The following UNC13C variants were observed in gnomAD, a reference collection of about 807,000 sequenced individuals.
UNC13C encodes unc-13 homolog C, also known as protein unc-13 homolog C.
In UNC13C, 174 loss-of-function variants were observed where a neutral mutation model predicts 245.4. The ratio of observed to expected loss-of-function variants is 0.71; its 90% CI spans 0.63 to 0.80. The LOEUF (loss-of-function observed/expected upper bound fraction) is 0.80, where lower values mean the gene tolerates loss of function less well. UNC13C is among the 30% of genes least tolerant of loss of function. The pLI is 0.00. For missense variants in UNC13C, 2,829 were observed against 2,602.9 expected, an observed-to-expected ratio of 1.09 and a Z score of -1.89; for synonymous variants, 992 against 895.1, an observed-to-expected ratio of 1.11 and a Z score of -1.93.
chr15:54,434,203 ACTTT>A (rs1169897153), intron 19 of UNC13C, among the ~76,000 whole-genome samples: 1 of 152,144 alleles, frequency 6.6e-6, no homozygotes, highest in East Asian at 1.9e-4. Context: ...GCTACCATTG[ACTTT>A]CTTCACAGAA....
Position 54,496,863 on chromosome 15 carries a change from C to T in UNC13C, c.5060+2129C>T, listed in dbSNP as rs1275557434. Among the ~76,000 whole-genome samples, 4 of 151,994 alleles carry T rather than the reference C, an allele frequency of 2.6e-5. No individual in the cohort carries two copies. In the East Asian group the frequency reaches 5.8e-4, roughly 22 times the overall value. ...AGGATAAAAGACTACACATTGGGTACAGTAAACACTGCTTAGATAATGGGT... is the reference window on the plus strand; with the variant it reads ...AGGATAAAAGACTACACATTGGGTATAGTAAACACTGCTTAGATAATGGGT... On this transcript the variant is annotated intron_variant, in intron 20 of 32. Coordinates refer to ENST00000260323, the MANE Select transcript of UNC13C (RefSeq NM_001080534.3).
At chr15:54,227,837 G>A (rs988815062) in intron 4 of UNC13C, among the ~76,000 whole-genome samples, 1 of 152,204 alleles carries the variant, frequency 6.6e-6, no homozygotes, top group Non-Finnish European at 1.5e-5. Context: ...CCCAAGGCCT[G>A]TCAACCACTG....
At chr15:54,471,153 A>G (rs947177350) in intron 19 of UNC13C, among the ~76,000 whole-genome samples, 1 of 151,572 alleles carries the variant, frequency 6.6e-6, no homozygotes, top group Non-Finnish European at 1.5e-5. Context: ...AATGTTCTGT[A>G]TGCACTTGGA....
At chr15:53,943,476 A>T in the UNC13C span, among the ~76,000 whole-genome samples, 1 of 152,320 alleles carries the variant, frequency 6.6e-6, no homozygotes, top group African/African-American at 2.4e-5. Flanking sequence ...CAAAAATAAT[A>T]ATTTCTCTTT....
In UNC13C at chr15:54,250,405, G is replaced by A. The variant is rs758672263; in HGVS notation, c.3409G>A (p.Glu1137Lys). The A allele has an allele frequency of 4.6e-5, 74 of 1,613,530 alleles. No homozygotes were observed. Among genetic ancestry groups the A allele is most frequent in the Non-Finnish European group, 6.1e-5 (72 of 1,179,682 alleles). Residue 1137 changes from glutamate (E) to lysine (K), a missense_variant, in exon 8 of 33, where the codon GAA becomes AAA. Coordinates refer to ENST00000260323, the MANE Select transcript of UNC13C (RefSeq NM_001080534.3). Reference sequence around the variant, plus strand: ...TCTGGAGTGTGGAGTGAAATGCCACGAAAAGTGTCAGGACCTGCTAAACGC... The same window carrying A: ...TCTGGAGTGTGGAGTGAAATGCCACAAAAAGTGTCAGGACCTGCTAAACGC... ...KCLECGVKCH[E>K]KCQDLLNADC...
intron 13 of UNC13C, among the ~76,000 whole-genome samples, chr15:54,316,309 T>C (rs1449481766): frequency 6.6e-6 from 1 of 151,940 alleles, no homozygotes; most frequent in African/African-American, 2.4e-5. Context: ...GAGTTCACTT[T>C]ACACAATATT....
At chr15:53,998,247 G>C (rs957558849) in intron 1 of UNC13C, among the ~76,000 whole-genome samples, 2 of 152,102 alleles carry the variant, frequency 1.3e-5, no homozygotes, top group African/African-American at 2.4e-5. Context: ...TCACTTTGGG[G>C]AGAACTGATA....
At chr15:53,853,595 A>C in the UNC13C span, among the ~76,000 whole-genome samples, 4 of 152,164 alleles carry the variant, frequency 2.6e-5, no homozygotes, top group African/African-American at 9.7e-5. Context: ...GGTTGAACTA[A>C]TTTATACTCC....
At chr15:54,360,831 A>C (rs1358423799) in intron 17 of UNC13C, among the ~76,000 whole-genome samples, 1 of 152,088 alleles carries the variant, frequency 6.6e-6, no homozygotes, top group Non-Finnish European at 1.5e-5. Flanking sequence ...ATTCTCTGAA[A>C]GGTGTATTGG....
chr15:54,514,960 A>T (rs943894233), intron 24 of UNC13C, among the ~76,000 whole-genome samples: 1 of 152,154 alleles, frequency 6.6e-6, no homozygotes, highest in Admixed American at 6.6e-5. Flanking sequence ...GGAAAAAAAA[A>T]GTCAAAAGAG....
At chr15:54,504,985 C>A (rs1040098113) in intron 22 of UNC13C, among the ~76,000 whole-genome samples, 3 of 152,138 alleles carry the variant, frequency 2.0e-5, no homozygotes, top group Non-Finnish European at 2.9e-5. Context: ...ATTTCAGTCA[C>A]CCTGTCTAAT....
intron 29 of UNC13C, among the ~76,000 whole-genome samples, chr15:54,561,863 C>T (rs1455679080): frequency 6.6e-5 from 10 of 151,754 alleles, no homozygotes; most frequent in Non-Finnish European, 2.9e-5. Context: ...AAGGTGGTGG[C>T]TTTAGGAGGA....
At chr15:53,930,110 A>C in the UNC13C span, among the ~76,000 whole-genome samples, 2 of 151,998 alleles carry the variant, frequency 1.3e-5, no homozygotes, top group African/African-American at 4.8e-5. Context: ...GGCCTTTCTC[A>C]CATGTCTGGG....
intron 2 of UNC13C, among the ~76,000 whole-genome samples, chr15:54,120,788 T>C (rs1240953820): frequency 1.3e-5 from 2 of 151,786 alleles, no homozygotes; most frequent in African/African-American, 4.8e-5. Context: ...CATGGATGAC[T>C]TTGAGGGGTT....
chr15:54,580,134 C>T (rs970994454), intron 30 of UNC13C, among the ~76,000 whole-genome samples: 4 of 152,176 alleles, frequency 2.6e-5, no homozygotes, highest in South Asian at 2.1e-4. Context: ...TGAGCCACCA[C>T]GCCTGTTTTT....
upstream of UNC13C, among the ~76,000 whole-genome samples, chr15:53,973,651 TA>T (rs1157296896): frequency 4.6e-5 from 7 of 151,960 alleles, no homozygotes. Context: ...CTGTGTCTTT[TA>T]AAAAATTTAG....
At chr15:54,417,235 T>C (rs919537359) in intron 19 of UNC13C, among the ~76,000 whole-genome samples, 1 of 152,144 alleles carries the variant, frequency 6.6e-6, no homozygotes, top group Non-Finnish European at 1.5e-5. Flanking sequence ...AACAAATAAA[T>C]TGCCAACTTT....
intron 8 of UNC13C, among the ~76,000 whole-genome samples, chr15:54,256,674 C>T (rs142602536): frequency 1.2e-4 from 19 of 152,188 alleles, no homozygotes; most frequent in African/African-American, 3.6e-4. Flanking sequence ...ACAATGACAA[C>T]GACAACAACA....
chr15:54,576,225 G>A (rs1897950210), intron 30 of UNC13C, among the ~76,000 whole-genome samples: 2 of 152,148 alleles, frequency 1.3e-5, no homozygotes, highest in Admixed American at 1.3e-4. Flanking sequence ...ACTTGCTAAG[G>A]TAGTTGGTCA....
Sources: allele counts gnomAD v4.1 joint callset (sites outside exome capture counted in the v4.1 genomes callset), GRCh38; gene constraint gnomAD v4.1.1; transcripts MANE v1.5; gene names NCBI Gene and HGNC (gene_info 2026-07-23, HGNC 2026-07-21).